The following GPC6 variants were observed in gnomAD, a reference collection of about 807,000 sequenced individuals.
The protein encoded by GPC6 is glypican 6, also known as glypican-6.
Under a neutral mutation model 55.2 loss-of-function variants are expected in GPC6, and 14 were observed. That is an observed-to-expected ratio of 0.25 (90% CI 0.17 to 0.40). The LOEUF (loss-of-function observed/expected upper bound fraction) is 0.40. Among genes scored for constraint, GPC6 ranks in the 10% least tolerant of loss-of-function variants. The pLI is 1.00. For synonymous variants in GPC6, 278 were observed against 259.6 expected (o/e 1.07, Z -0.68); for missense variants, 641 against 708.5 (o/e 0.90, Z 1.08).
intron 2 of GPC6, among the ~76,000 whole-genome samples, chr13:93,749,418 T>A (rs534390429): frequency 6.9e-4 from 105 of 152,114 alleles, no homozygotes; most frequent in African/African-American, 2.4e-3. Flanking sequence ...ACTTTTTTTT[T>A]ATTTTCCTTG....
chr13:93,771,736 G>T (rs1387934228), intron 2 of GPC6, among the ~76,000 whole-genome samples: 1 of 150,842 alleles, frequency 6.6e-6, no homozygotes, highest in Non-Finnish European at 1.5e-5. Flanking sequence ...AATAAAAAAA[G>T]TCAAGCATAG....
intron 2 of GPC6, among the ~76,000 whole-genome samples, chr13:93,791,548 A>T (rs1010342933): frequency 2.0e-5 from 3 of 152,250 alleles, no homozygotes; most frequent in Non-Finnish European, 4.4e-5. Context: ...ATAGTATTAT[A>T]TGTGAGCTTC....
chr13:93,328,140 C>G (rs986029684), intron 1 of GPC6, among the ~76,000 whole-genome samples: 1 of 151,438 alleles, frequency 6.6e-6, no homozygotes, highest in Non-Finnish European at 1.5e-5. Context: ...AATTTTCTAC[C>G]TCAGGAACCT....
At chr13:93,596,465 G>A (rs1480301277) in intron 2 of GPC6, among the ~76,000 whole-genome samples, 1 of 151,860 alleles carries the variant, frequency 6.6e-6, no homozygotes, top group South Asian at 2.1e-4. Flanking sequence ...TACACTCTCC[G>A]ACTATTTAAG....
chr13:93,282,089 T>A (rs1198025586), intron 1 of GPC6, among the ~76,000 whole-genome samples: 1 of 152,214 alleles, frequency 6.6e-6, no homozygotes, highest in African/African-American at 2.4e-5. Flanking sequence ...AGTTGTTTTT[T>A]GGATTGAACA....
chr13:94,034,247 A>AGGAAGGAG (rs141372123), intron 4 of GPC6, among the ~76,000 whole-genome samples: 18,624 of 146,882 alleles, frequency 0.13, 1,493 homozygotes, highest in Middle Eastern at 0.15. Flanking sequence ...GAAGGAAGGA[A>AGGAAGGAG]GGAAAGAAAG....
At chr13:93,710,393 C>A (rs1465365733) in intron 2 of GPC6, among the ~76,000 whole-genome samples, 1 of 151,790 alleles carries the variant, frequency 6.6e-6, no homozygotes, top group Admixed American at 6.6e-5. Context: ...AAATTTAGTT[C>A]ATGTATTTTG....
chr13:94,268,520 A>G (rs1359961781), intron 4 of GPC6, among the ~76,000 whole-genome samples: 1 of 152,228 alleles, frequency 6.6e-6, no homozygotes, highest in Non-Finnish European at 1.5e-5. Context: ...ATTCAAGAGT[A>G]TTAGCAAAAA....
chr13:94,266,034 G>C (rs759079233), intron 4 of GPC6, among the ~76,000 whole-genome samples: 1 of 152,074 alleles, frequency 6.6e-6, no homozygotes, highest in Non-Finnish European at 1.5e-5. Flanking sequence ...GGATGTTTCC[G>C]CTAGGTGTCT....
intron 3 of GPC6, among the ~76,000 whole-genome samples, chr13:93,851,818 GC>G (rs1295108216): frequency 6.6e-6 from 1 of 151,678 alleles, no homozygotes; most frequent in Non-Finnish European, 1.5e-5. Context: ...ATATCCTTCT[GC>G]CACTTGTTAC....
intron 2 of GPC6, among the ~76,000 whole-genome samples, chr13:93,742,905 C>T (rs1040977573): frequency 6.6e-6 from 1 of 151,988 alleles, no homozygotes; most frequent in Non-Finnish European, 1.5e-5. Context: ...GAAGAAGATA[C>T]TTCAGAGCAT....
At chr13:93,475,563 C>T (rs1396666443) in intron 1 of GPC6, among the ~76,000 whole-genome samples, 1 of 152,056 alleles carries the variant, frequency 6.6e-6, no homozygotes, top group African/African-American at 2.4e-5. Context: ...TGCTTTTAAA[C>T]CAGATATGCA....
intron 1 of GPC6, among the ~76,000 whole-genome samples, chr13:93,508,599 G>A (rs1337391150): frequency 4.6e-5 from 7 of 152,184 alleles, no homozygotes; most frequent in African/African-American, 1.7e-4. Context: ...TTAACAAAAG[G>A]TTTACTCAGG....
intron 1 of GPC6, among the ~76,000 whole-genome samples, chr13:93,295,875 AT>A (rs973042085): frequency 1.3e-5 from 2 of 151,138 alleles, no homozygotes; most frequent in Non-Finnish European, 3.0e-5. Flanking sequence ...TGGCCGGCTA[AT>A]TTTTTTTTGT....
chr13:93,268,368 A>G (rs1202005049), intron 1 of GPC6, among the ~76,000 whole-genome samples: 1 of 152,240 alleles, frequency 6.6e-6, no homozygotes, highest in Non-Finnish European at 1.5e-5. Flanking sequence ...TAGAGATTAT[A>G]GAAACAAGTC....
At chr13:93,905,715 A>T (rs139490677) in intron 3 of GPC6, among the ~76,000 whole-genome samples, 43 of 152,328 alleles carry the variant, frequency 2.8e-4, no homozygotes, top group African/African-American at 9.9e-4. Flanking sequence ...ATTAGGTGAG[A>T]ATAATCCAAT....
intron 1 of GPC6, among the ~76,000 whole-genome samples, chr13:93,405,514 G>A (rs1399525352): frequency 3.9e-5 from 6 of 152,172 alleles, no homozygotes; most frequent in Non-Finnish European, 5.9e-5. Context: ...AATGTTCTTA[G>A]TTTCTAATGT....
At chr13:94,332,433 G>T (rs1877473875) in intron 6 of GPC6, among the ~76,000 whole-genome samples, 1 of 152,218 alleles carries the variant, frequency 6.6e-6, no homozygotes, top group African/African-American at 2.4e-5. Flanking sequence ...CTGACGGATT[G>T]CTCAAATTAT....
chr13:94,276,936 C>A (rs1377686287), intron 4 of GPC6, among the ~76,000 whole-genome samples: 1 of 152,010 alleles, frequency 6.6e-6, no homozygotes, highest in Non-Finnish European at 1.5e-5. Flanking sequence ...ATGACATATT[C>A]CTTTGTGTAT....
Sources: allele counts gnomAD v4.1 joint callset (sites outside exome capture counted in the v4.1 genomes callset), GRCh38; gene constraint gnomAD v4.1.1; transcripts MANE v1.5; gene names NCBI Gene and HGNC (gene_info 2026-07-23, HGNC 2026-07-21).